USP48: variants seen among roughly 807,000 people sequenced by gnomAD.
USP48 encodes ubiquitin specific peptidase 48.
In USP48, 43 loss-of-function variants were observed where a neutral mutation model predicts 150.7. The ratio of observed to expected loss-of-function variants is 0.29; its 90% CI spans 0.22 to 0.37. USP48 has a LOEUF of 0.37. Among genes scored for constraint, USP48 ranks in the 10% least tolerant of loss-of-function variants. The pLI, the probability that USP48 is intolerant of heterozygous loss-of-function variation, is 1.00. For missense variants in USP48, 813 were observed against 1,249.6 expected (o/e 0.65, Z 5.27); for synonymous variants, 396 against 425.9 (o/e 0.93, Z 0.86).
intron 15 of USP48, among the ~76,000 whole-genome samples, chr1:21,711,627 C>T (rs1468125498): frequency 6.6e-6 from 1 of 152,156 alleles, no homozygotes; most frequent in African/African-American, 2.4e-5. Context: ...TACGGAAAAA[C>T]CTTAGTGGCC....
chr1:21,743,950 A>C (rs1385763549), intron 8 of USP48, among the ~76,000 whole-genome samples: 1 of 152,184 alleles, frequency 6.6e-6, no homozygotes, highest in Non-Finnish European at 1.5e-5. Context: ...CACTAAAAAA[A>C]AGAAGTTGCT....
At chr1:21,731,422 C>T (rs923947576) in intron 9 of USP48, among the ~76,000 whole-genome samples, 1 of 151,748 alleles carries the variant, frequency 6.6e-6, no homozygotes, top group African/African-American at 2.4e-5. Flanking sequence ...TGTCACCACG[C>T]CAGGGTAATT....
At chr1:21,776,380 A>G (rs1375044724) in intron 1 of USP48, among the ~76,000 whole-genome samples, 1 of 152,152 alleles carries the variant, frequency 6.6e-6, no homozygotes, top group Non-Finnish European at 1.5e-5. Flanking sequence ...ATAAAGTATG[A>G]AAAATACATA....
chr1:21,705,823 C>G lies in USP48; in HGVS notation c.2288G>C (p.Cys763Ser). Residue 763 changes from cysteine (C) to serine (S), a missense_variant, in exon 19 of 27, where the codon TGC (cysteine) becomes TCC (serine). Coordinates refer to ENST00000308271, the MANE Select transcript of USP48 (RefSeq NM_032236.8). ...GTTCCCAACTGATGACACAGGGCTGCATCTTGTAGGCTTTCTACTCAAATG... is the reference window on the plus strand; with the variant it reads ...GTTCCCAACTGATGACACAGGGCTGGATCTTGTAGGCTTTCTACTCAAATG... ...WRKFVRKPTR[C>S]SPVSSVGNSA... 1 of 1,603,936 alleles carries G rather than the reference C, an allele frequency of 6.2e-7. No individual in the cohort carries two copies.
At chr1:21,766,544 A>G (rs2097862761) in intron 1 of USP48, among the ~76,000 whole-genome samples, 1 of 152,174 alleles carries the variant, frequency 6.6e-6, no homozygotes. Flanking sequence ...ACACACGATG[A>G]GTGGAAAATT....
Position 21,728,631 on chromosome 1 carries a change from A to G in USP48, c.1389T>C (p.Asp463=). The G allele has an allele frequency of 1.2e-6, 2 of 1,614,156 alleles. No individual in the cohort carries two copies. The highest frequency in any genetic ancestry group is 1.7e-6 in the Non-Finnish European group (2 of 1,180,028). ...EMAEMRKQSV[D]KGKAKHEEVK... is the part of the protein sequence containing the mutation. ...CCTCTTCGTGTTTTGCTTTTCCTTT[A>G]TCCACACTTTGCTTACGCATCTCAG... The change falls in exon 11 of 27, where the codon GAT becomes GAC. Residue 463 remains aspartate (D), a synonymous_variant. Transcript: ENST00000308271.
Position 21,687,243 on chromosome 1 carries a change from G to C in USP48, c.3010-4C>G, listed in dbSNP as rs2097582564. 1.2e-6 allele frequency: 2 copies of C among 1,611,736 alleles called. No individual in the cohort carries two copies. The highest frequency in any genetic ancestry group is 1.3e-5 in the African/African-American group (1 of 74,972). Reference sequence around the variant, plus strand: ...AATCTGCAATTGGTTCATCAGCCTAGAAAACAAATGAAGACAATTCAAAAC... The same window carrying C: ...AATCTGCAATTGGTTCATCAGCCTACAAAACAAATGAAGACAATTCAAAAC... On this transcript the variant is annotated splice_polypyrimidine_tract_variant and splice_region_variant and intron_variant, in intron 24 of 26. Coordinates refer to ENST00000308271, the MANE Select transcript of USP48 (RefSeq NM_032236.8).
chr1:21,763,712 G>A (rs543014905), intron 1 of USP48, among the ~76,000 whole-genome samples: 1 of 152,242 alleles, frequency 6.6e-6, no homozygotes, highest in East Asian at 1.9e-4. Flanking sequence ...CTACTCAGGA[G>A]GCTGAGGCAG....
intron 1 of USP48, among the ~76,000 whole-genome samples, chr1:21,764,663 G>C (rs2097857586): frequency 7.0e-6 from 1 of 143,418 alleles, no homozygotes; most frequent in African/African-American, 2.7e-5. Flanking sequence ...CCGAGATCGT[G>C]ATTGTGCCAC....
At chr1:21,706,329 G>A in intron 17 of USP48, 138 bp downstream of exon 17, 1 of 1,498,678 alleles carries the variant, frequency 6.7e-7, no homozygotes, top group Non-Finnish European at 9.1e-7. Flanking sequence ...ATAGCAGGCT[G>A]GAGTAAATCC....
intron 8 of USP48, among the ~76,000 whole-genome samples, chr1:21,744,594 A>G (rs942728806): frequency 1.3e-5 from 2 of 151,226 alleles, no homozygotes; most frequent in African/African-American, 4.9e-5. Context: ...TGGTCAACAC[A>G]GTGAAACCCC....
intron 1 of USP48, among the ~76,000 whole-genome samples, chr1:21,758,898 G>A (rs1182653351): frequency 2.0e-5 from 3 of 152,142 alleles, no homozygotes; most frequent in Middle Eastern, 3.2e-3. Context: ...CTGGCTAGGC[G>A]TGGTGGTTCA....
At chr1:21,778,106 G>C (rs1156680803) in intron 1 of USP48, among the ~76,000 whole-genome samples, 1 of 151,056 alleles carries the variant, frequency 6.6e-6, no homozygotes, top group Non-Finnish European at 1.5e-5. Context: ...TGGCATCACT[G>C]CACTCCAGCC....
At chr1:21,689,392 G>C (rs1480129914) in intron 24 of USP48, among the ~76,000 whole-genome samples, 1 of 150,720 alleles carries the variant, frequency 6.6e-6, no homozygotes, top group Non-Finnish European at 1.5e-5. Flanking sequence ...CCTGAGACCA[G>C]ATCACTCAGC....
At chr1:21,772,655 C>T (rs1323160164) in intron 1 of USP48, among the ~76,000 whole-genome samples, 1 of 148,458 alleles carries the variant, frequency 6.7e-6, no homozygotes, top group Non-Finnish European at 1.5e-5. Flanking sequence ...GGCGTGGTGG[C>T]TCGCGCCTAT....
chr1:21,701,391 AG>A, intron 22 of USP48, 106 bp downstream of exon 22: 1 of 839,274 alleles, frequency 1.2e-6, no homozygotes. Context: ...AGAAAAAAAA[AG>A]AACCAATATC....
intron 23 of USP48, among the ~76,000 whole-genome samples, chr1:21,694,474 G>A (rs2097615652): frequency 1.4e-5 from 2 of 147,478 alleles, no homozygotes; most frequent in Non-Finnish European, 3.0e-5. Context: ...AGGAGGCTGA[G>A]GCAGAGAACT....
chr1:21,762,310 A>G (rs2097851855), intron 1 of USP48, among the ~76,000 whole-genome samples: 1 of 152,118 alleles, frequency 6.6e-6, no homozygotes, highest in Non-Finnish European at 1.5e-5. Context: ...TGAGACTGAG[A>G]AAAGTAACAG....
chr1:21,740,952 A>T (rs982929390), intron 8 of USP48, among the ~76,000 whole-genome samples: 1 of 152,234 alleles, frequency 6.6e-6, no homozygotes, highest in Admixed American at 6.5e-5. Context: ...AGAGCTGAAG[A>T]AATTATGCAG....
Sources: gnomAD v4.1 joint callset for allele counts (sites outside exome capture counted in the v4.1 genomes callset) on GRCh38, gnomAD v4.1.1 for gene constraint, MANE v1.5 for transcripts, NCBI Gene and HGNC (gene_info 2026-07-23, HGNC 2026-07-21) for gene names.